Variants in MDGA2 observed in about 807,000 individuals in gnomAD.
MDGA2 encodes MAM domain containing glycosylphosphatidylinositol anchor 2.
In MDGA2, 40 loss-of-function variants were observed where a neutral mutation model predicts 117.8. The ratio of observed to expected loss-of-function variants is 0.34; its 90% CI spans 0.26 to 0.44. The LOEUF (loss-of-function observed/expected upper bound fraction) is 0.44. Among genes scored for constraint, MDGA2 ranks in the 20% least tolerant of loss-of-function variants. The probability of loss-of-function intolerance (pLI) is 1.00; values close to 1 mark genes in which losing one functional copy is unlikely to be tolerated. For missense variants in MDGA2, 1,123 were observed against 1,250.6 expected (o/e 0.90, Z 1.54); for synonymous variants, 452 against 439.0 (o/e 1.03, Z -0.37).
At chr14:47,003,510 T>C (rs1260218778) in intron 8 of MDGA2, among the ~76,000 whole-genome samples, 1 of 152,108 alleles carries the variant, frequency 6.6e-6, no homozygotes, top group African/African-American at 2.4e-5. Context: ...GCCATCCTAA[T>C]AAGCGGGTAG....
intron 3 of MDGA2, among the ~76,000 whole-genome samples, chr14:47,201,634 C>A (rs570698769): frequency 7.2e-5 from 11 of 152,352 alleles, no homozygotes; most frequent in Admixed American, 2.6e-4. Flanking sequence ...AAATAACTTT[C>A]TATTTTAGTG....
intron 1 of MDGA2, among the ~76,000 whole-genome samples, chr14:47,324,089 T>G (rs1318426606): frequency 6.6e-6 from 1 of 151,236 alleles, no homozygotes; most frequent in East Asian, 2.0e-4. Flanking sequence ...ACTAAAAATA[T>G]AAAAAATTAG....
intron 1 of MDGA2, among the ~76,000 whole-genome samples, chr14:47,604,487 A>ACACC (rs144175419): frequency 2.3e-4 from 21 of 92,054 alleles, no homozygotes; most frequent in African/African-American, 8.4e-4. Flanking sequence ...CAGCTTCCCC[A>ACACC]CCCCCCCCCA....
intron 1 of MDGA2, among the ~76,000 whole-genome samples, chr14:47,448,394 C>A (rs1359084996): frequency 2.0e-5 from 3 of 152,104 alleles, no homozygotes; most frequent in African/African-American, 7.2e-5. Context: ...CCTGTCTTGG[C>A]CTCCCAAAGT....
At chr14:46,911,976 A>C (rs1221740058) in intron 10 of MDGA2, among the ~76,000 whole-genome samples, 1 of 152,060 alleles carries the variant, frequency 6.6e-6, no homozygotes, top group African/African-American at 2.4e-5. Context: ...ACTCAGACAC[A>C]CACCCACTCT....
At chr14:47,006,749 C>T (rs1298886301) in intron 8 of MDGA2, among the ~76,000 whole-genome samples, 4 of 151,442 alleles carry the variant, frequency 2.6e-5, no homozygotes, top group Non-Finnish European at 5.9e-5. Flanking sequence ...ATAAGAATTC[C>T]ATTTAAAATT....
intron 1 of MDGA2, among the ~76,000 whole-genome samples, chr14:47,497,401 C>A (rs780809708): frequency 1.1e-4 from 17 of 152,236 alleles, no homozygotes; most frequent in Non-Finnish European, 2.4e-4. Context: ...AGATTACAGG[C>A]ATGCACCACC....
At chr14:47,034,755 CA>C (rs1173671587) in intron 8 of MDGA2, among the ~76,000 whole-genome samples, 1 of 151,830 alleles carries the variant, frequency 6.6e-6, no homozygotes, top group Admixed American at 6.6e-5. Context: ...CACACACACA[CA>C]CACACACACA....
intron 6 of MDGA2, among the ~76,000 whole-genome samples, chr14:47,093,798 C>T (rs528693512): frequency 1.3e-5 from 2 of 152,108 alleles, no homozygotes; most frequent in African/African-American, 4.8e-5. Context: ...TCTATCAGCA[C>T]TCTACACTCT....
chr14:47,118,978 T>C, intron 5 of MDGA2, among the ~76,000 whole-genome samples: 1 of 151,624 alleles, frequency 6.6e-6, no homozygotes, highest in Admixed American at 6.6e-5. Flanking sequence ...CCTTGAGCAA[T>C]CCTCCTGCCT....
chr14:47,546,718 T>C (rs1895470229), intron 1 of MDGA2, among the ~76,000 whole-genome samples: 1 of 152,178 alleles, frequency 6.6e-6, no homozygotes, highest in African/African-American at 2.4e-5. Flanking sequence ...AGAAGGGTTG[T>C]GGGAGCTCCA....
At chr14:47,142,114 T>A (rs1164152040) in intron 4 of MDGA2, among the ~76,000 whole-genome samples, 2 of 152,182 alleles carry the variant, frequency 1.3e-5, no homozygotes, top group Non-Finnish European at 2.9e-5. Context: ...GGCCCCTGTG[T>A]TCATTTCCAA....
intron 5 of MDGA2, among the ~76,000 whole-genome samples, chr14:47,126,314 C>T (rs1162310598): frequency 1.3e-5 from 2 of 151,884 alleles, no homozygotes; most frequent in Non-Finnish European, 2.9e-5. Flanking sequence ...AGCACTGTGT[C>T]AATTGGTCAG....
chr14:47,472,810 G>T (rs1893756134), intron 1 of MDGA2, among the ~76,000 whole-genome samples: 1 of 152,094 alleles, frequency 6.6e-6, no homozygotes, highest in African/African-American at 2.4e-5. Flanking sequence ...GCTGTTGAAT[G>T]GAGAAAATTA....
chr14:47,345,993 G>C (rs556082959), intron 1 of MDGA2, among the ~76,000 whole-genome samples: 2 of 152,024 alleles, frequency 1.3e-5, no homozygotes, highest in Non-Finnish European at 2.9e-5. Context: ...ATTATAACTA[G>C]ATAGGAGGAA....
At chr14:47,161,605 A>G (rs926207282) in intron 3 of MDGA2, among the ~76,000 whole-genome samples, 1 of 151,788 alleles carries the variant, frequency 6.6e-6, no homozygotes, top group African/African-American at 2.4e-5. Context: ...AAGAAGAGGT[A>G]ATTTTTTTTC....
At chr14:47,495,071 T>G (rs1314218150) in intron 1 of MDGA2, among the ~76,000 whole-genome samples, 1 of 152,034 alleles carries the variant, frequency 6.6e-6, no homozygotes, top group Non-Finnish European at 1.5e-5. Flanking sequence ...ACATACATCA[T>G]AGAATACTAC....
intron 3 of MDGA2, among the ~76,000 whole-genome samples, chr14:47,213,789 C>G (rs1885973726): frequency 6.6e-6 from 1 of 151,952 alleles, no homozygotes; most frequent in Non-Finnish European, 1.5e-5. Flanking sequence ...CATTTTCATA[C>G]CACTATAACT....
intron 1 of MDGA2, among the ~76,000 whole-genome samples, chr14:47,482,000 T>C (rs1049476641): frequency 3.3e-5 from 5 of 152,036 alleles, no homozygotes; most frequent in Non-Finnish European, 5.9e-5. Context: ...CACCGTGATA[T>C]AGAAGTCTTA....
Sources: allele counts gnomAD v4.1 joint callset (sites outside exome capture counted in the v4.1 genomes callset), GRCh38; gene constraint gnomAD v4.1.1; transcripts MANE v1.5; gene names NCBI Gene and HGNC (gene_info 2026-07-23, HGNC 2026-07-21).